Variants in RBPJ observed in about 807,000 individuals in gnomAD.
RBPJ encodes recombining binding protein suppressor of hairless.
Under a neutral mutation model 67.8 loss-of-function variants are expected in RBPJ, and 9 were observed. That is an observed-to-expected ratio of 0.13 (90% CI 0.08 to 0.23). RBPJ has a LOEUF of 0.23. Among genes scored for constraint, RBPJ ranks in the 10% least tolerant of loss-of-function variants. The pLI is 1.00. For missense variants in RBPJ, 305 were observed against 595.6 expected (o/e 0.51, Z 5.08); for synonymous variants, 198 against 203.3 (o/e 0.97, Z 0.22).
intron 2 of RBPJ, among the ~76,000 whole-genome samples, chr4:26,398,862 TCAGCCTCC>T (rs1446818374): frequency 6.6e-6 from 1 of 152,180 alleles, no homozygotes; most frequent in Non-Finnish European, 1.5e-5. Context: ...TCTGCCTGCC[TCAGCCTCC>T]CAAAGTGCTG....
chr4:26,391,120 A>G (rs961612983), intron 2 of RBPJ, among the ~76,000 whole-genome samples: 4 of 152,216 alleles, frequency 2.6e-5, no homozygotes, highest in Non-Finnish European at 5.9e-5. Flanking sequence ...ATTCAACACA[A>G]TCACAGTCAA....
At chr4:26,327,050 T>C (rs1560268073) in intron 1 of RBPJ, among the ~76,000 whole-genome samples, 1 of 152,158 alleles carries the variant, frequency 6.6e-6, no homozygotes, top group Non-Finnish European at 1.5e-5. Flanking sequence ...GCTGTAACAA[T>C]GTAGGAATGT....
intron 4 of RBPJ, among the ~76,000 whole-genome samples, chr4:26,417,614 G>A (rs1241047642): frequency 6.6e-6 from 1 of 152,096 alleles, no homozygotes; most frequent in Non-Finnish European, 1.5e-5. Context: ...AGAGTTAGTA[G>A]AAGGCATCCC....
At chr4:26,214,309 CAG>C (rs1718540734) in intron 1 of RBPJ, among the ~76,000 whole-genome samples, 3 of 116,624 alleles carry the variant, frequency 2.6e-5, no homozygotes, top group African/African-American at 1.0e-4. Context: ...AGCAAGGAGA[CAG>C]AGAAGGAGGG....
intron 1 of RBPJ, among the ~76,000 whole-genome samples, chr4:26,303,212 A>G (rs964231145): frequency 1.4e-5 from 2 of 147,296 alleles, no homozygotes; most frequent in Admixed American, 1.4e-4. Flanking sequence ...AAATAAATAA[A>G]TAAATAATAA....
upstream of RBPJ, among the ~76,000 whole-genome samples, chr4:26,160,077 C>G (rs1299001939): frequency 6.6e-6 from 1 of 152,126 alleles, no homozygotes; most frequent in Non-Finnish European, 1.5e-5. Context: ...CGCCACCGTG[C>G]CCGGCTAATT....
intron 1 of RBPJ, among the ~76,000 whole-genome samples, chr4:26,209,604 T>C (rs1337259176): frequency 1.1e-4 from 11 of 98,534 alleles, no homozygotes; most frequent in Admixed American, 2.1e-4. Flanking sequence ...CCTCCTTCCC[T>C]CTCTCCCTCC....
intron 1 of RBPJ, among the ~76,000 whole-genome samples, chr4:26,353,482 T>C (rs1276824095): frequency 6.6e-6 from 1 of 152,246 alleles, no homozygotes; most frequent in African/African-American, 2.4e-5. Flanking sequence ...AATGTAATTA[T>C]TATGCCTATC....
chr4:26,127,723 G>C, the RBPJ span, among the ~76,000 whole-genome samples: 6 of 152,322 alleles, frequency 3.9e-5, no homozygotes, highest in East Asian at 1.2e-3. Flanking sequence ...GATGAGCTAG[G>C]AATAGGGTTT....
chr4:26,223,760 GCAGT>G (rs1394375775), intron 1 of RBPJ, among the ~76,000 whole-genome samples: 7 of 152,240 alleles, frequency 4.6e-5, no homozygotes, highest in African/African-American at 9.6e-5. Context: ...AGACAGAGTG[GCAGT>G]CAGAGGATAG....
At chr4:26,127,249 C>G in the RBPJ span, among the ~76,000 whole-genome samples, 2 of 152,246 alleles carry the variant, frequency 1.3e-5, no homozygotes, top group Non-Finnish European at 2.9e-5. Flanking sequence ...TCTGCTACAT[C>G]AGATCTTTCT....
upstream of RBPJ, among the ~76,000 whole-genome samples, chr4:26,318,099 AT>A (rs1722718225): frequency 6.6e-6 from 1 of 151,980 alleles, no homozygotes; most frequent in Non-Finnish European, 1.5e-5. Flanking sequence ...TGTGTATATA[AT>A]CAATAGGCAA....
At position 26,248,247 on chromosome 4, in the gene RBPJ, T is replaced by C. The variant is rs973473974; in HGVS notation, c.-167+84633T>C. Among the ~76,000 whole-genome samples, 16 of 152,120 alleles carry C rather than the reference T, an allele frequency of 1.1e-4. 1 individual carries two copies. The highest frequency in any genetic ancestry group is 3.9e-4 in the African/African-American group (16 of 41,428). On this transcript the variant is annotated intron_variant, in intron 1 of 4. Coordinates refer to the RBPJ transcript ENST00000512351. ...TGGAGGTTGCAATGAGCCGAGACCA[T>C]GCCATTGCCCTCCACTCTGGGTAAC...
chr4:26,384,137 C>T (rs960502209), intron 1 of RBPJ, among the ~76,000 whole-genome samples: 1 of 152,156 alleles, frequency 6.6e-6, no homozygotes, highest in African/African-American at 2.4e-5. Context: ...CATGAGCTAC[C>T]ATGCCTTGCC....
the RBPJ span, among the ~76,000 whole-genome samples, chr4:26,150,414 G>T: frequency 6.6e-6 from 1 of 152,166 alleles, no homozygotes; most frequent in Non-Finnish European, 1.5e-5. Context: ...ACCATGTTTA[G>T]CCCCTTAGTA....
At chr4:26,110,043 G>A in the RBPJ span, among the ~76,000 whole-genome samples, 1 of 152,022 alleles carries the variant, frequency 6.6e-6, no homozygotes, top group African/African-American at 2.4e-5. The surrounding 1 kb of genome is among the most constrained non-coding windows in gnomAD (Gnocchi z 4.5). Flanking sequence ...TCCATCCAGT[G>A]TAATAACCAA....
intron 1 of RBPJ, among the ~76,000 whole-genome samples, chr4:26,246,969 T>A (rs2109230358): frequency 6.8e-6 from 1 of 147,468 alleles, no homozygotes; most frequent in Admixed American, 6.8e-5. Context: ...TGGAACATAA[T>A]ACGCTTTTTT....
intron 1 of RBPJ, among the ~76,000 whole-genome samples, chr4:26,297,825 GA>G (rs939173162): frequency 6.7e-6 from 1 of 150,132 alleles, no homozygotes; most frequent in African/African-American, 2.4e-5. Flanking sequence ...AAGAATATGA[GA>G]AAAAAACAAA....
At chr4:26,316,827 CTTTTTTTTTTTTTT>C (rs56130072), upstream of RBPJ, among the ~76,000 whole-genome samples, 2 of 71,396 alleles carry the variant, frequency 2.8e-5, no homozygotes, top group African/African-American at 5.6e-5. Context: ...ACCCAGACGA[CTTTTTTTTTTTTTT>C]TTTTTTTTTT....
Sources: gnomAD v4.1 joint callset for allele counts (sites outside exome capture counted in the v4.1 genomes callset) on GRCh38, gnomAD v4.1.1 for gene constraint, Gnocchi (gnomAD v3.1) non-coding constraint, MANE v1.5 for transcripts, NCBI Gene and HGNC (gene_info 2026-07-23, HGNC 2026-07-21) for gene names.